Variants in ZNF805 observed in about 807,000 individuals in gnomAD.
ZNF805 encodes the protein CTC-444N24.8.
Under a neutral mutation model 13.6 loss-of-function variants are expected in ZNF805, and 7 were observed. The ratio of observed to expected loss-of-function variants is 0.51; its 90% CI spans 0.29 to 0.97. ZNF805 has a LOEUF of 0.97. Ranked by LOEUF, ZNF805 falls within the 50% of genes least tolerant of loss-of-function variation. ZNF805 has a pLI of 0.08. For synonymous variants in ZNF805, 293 were observed against 279.8 expected (o/e 1.05, Z -0.47); for missense variants, 604 against 771.0 (o/e 0.78, Z 2.57).
chr19:57,260,759 G>A lies in ZNF805; in HGVS notation c.*6056G>A, dbSNP rs182306979. ...CTCCAGGTTGGATGTTTCTCATGTC[G>A]TTAACCACTGGTCATCCTTCCACAC... is the stretch of plus-strand genomic sequence containing the variant. On this transcript the variant is annotated 3_prime_UTR_variant, in exon 4 of 4. Transcript: ENST00000414468. Among the ~76,000 whole-genome samples, 8 of 152,160 alleles carry A rather than the reference G, an allele frequency of 5.3e-5. No homozygotes were observed. In the East Asian group the frequency reaches 1.4e-3, roughly 26 times the overall value.
Position 57,240,898 on chromosome 19 carries a change from A to G in ZNF805, c.7A>G (p.Met3Val), listed in dbSNP as rs1391975083. ...AGGGCCACAGGGTCCCGGTATGGCG[A>G]TGGCTTTGACGGACCCGGCGCAGGT... MA[M>V]ALTDPAQVSV... The change falls in exon 1 of 4, where the codon ATG (methionine) becomes GTG (valine). Residue 3 changes from methionine to valine, a missense_variant. Transcript: ENST00000414468. 1.9e-6 allele frequency: 3 copies of G among 1,556,154 alleles called. No homozygotes were observed. The Admixed American group carries it at 5.8e-5, about 30-fold the overall frequency.
intron 2 of ZNF805, 100 bp from the exon 3 acceptor site, chr19:57,248,505 T>C (rs948706203): frequency 2.3e-5 from 26 of 1,127,956 alleles, no homozygotes; most frequent in Non-Finnish European, 3.3e-5. Context: ...TGTAGCTTCA[T>C]TCCAAGGTCT....
rs1230773697 is a variant in ZNF805, at chr19:57,254,406, C to T, written c.1587C>T (p.His529=). The T allele has an allele frequency of 1.2e-5, 20 of 1,614,172 alleles. No individual in the cohort carries two copies. In the South Asian group the frequency reaches 1.9e-4, roughly 15 times the overall value. The stretch of plus-strand genomic sequence containing the variant: ...GCTGGAGCACAAACCTCATTCGACA[C>T]TCTATCATCCACACTGGAGAGAAGC... ...TFCWSTNLIR[H]SIIHTGEKPY... is the part of the protein sequence containing the mutation. Residue 529 remains histidine (H), a synonymous_variant, in exon 4 of 4, where the codon CAC becomes CAT. Coordinates refer to ENST00000414468, the MANE Select transcript of ZNF805 (RefSeq NM_001023563.4).
rs190387978 is a variant in ZNF805, at chr19:57,250,358, G to A, written c.253+1658G>A. Among the ~76,000 whole-genome samples, 496 of 152,158 alleles carry A rather than the reference G, an allele frequency of 3.3e-3. 5 individuals carry two copies. The highest frequency in any genetic ancestry group is 4.9e-3 in the Non-Finnish European group (336 of 67,980). The stretch of plus-strand genomic sequence containing the variant: ...AGCGTTTCTCCTGCCTCAGCCTTCC[G>A]AATAGCTGGGATTATAGGCATGCAC... On this transcript the variant is annotated intron_variant, in intron 3 of 3. Coordinates refer to ENST00000414468, the MANE Select transcript of ZNF805 (RefSeq NM_001023563.4).
At position 57,243,976 on chromosome 19, in the gene ZNF805, C is replaced by G. The variant is rs749697734; in HGVS notation, c.84C>G (p.Gly28=). 15 of 1,614,108 alleles carry G rather than the reference C, an allele frequency of 9.3e-6. No individual in the cohort carries two copies. In the Admixed American group the frequency reaches 1.5e-4, roughly 16 times the overall value. Residue 28 remains glycine (G), a synonymous_variant, in exon 2 of 4, where the codon GGC becomes GGG. Transcript: ENST00000414468. ...TGACTTTCACCCAGGAGGAGTGGGG[C>G]CAGCTGGACCTAGCTCAGCGGACCC... The part of the protein sequence containing the change: ...VAVTFTQEEW[G]QLDLAQRTLY...
At position 57,255,926 on chromosome 19, in the gene ZNF805, G is replaced by T. The variant is rs931553651; in HGVS notation, c.*1223G>T. 1.3e-4 allele frequency among the ~76,000 whole-genome samples: 20 copies of T among 152,122 alleles called. No homozygotes were observed. The highest frequency in any genetic ancestry group is 4.8e-4 in the African/African-American group (20 of 41,444). ...CTTGTTCCTGATATTAGGGGGAAATGTTCAGTTTCTCATTATTATGATGTT... is the reference window on the plus strand; with the variant it reads ...CTTGTTCCTGATATTAGGGGGAAATTTTCAGTTTCTCATTATTATGATGTT... On this transcript the variant is annotated 3_prime_UTR_variant, in exon 4 of 4. Transcript: ENST00000414468.
Position 57,258,892 on chromosome 19 carries a change from C to G in ZNF805, c.*4189C>G, listed in dbSNP as rs2087706685. On this transcript the variant is annotated 3_prime_UTR_variant, in exon 4 of 4. Transcript: ENST00000414468. ...AGTCTGCTGGTGTCTCTAAAAGTGT[C>G]TTTATGTTCCCTTCATTCCTGAGGG... Among the ~76,000 whole-genome samples, 2 of 152,096 alleles carry G rather than the reference C, an allele frequency of 1.3e-5. No homozygotes were observed. The highest frequency in any genetic ancestry group is 1.3e-4 in the Admixed American group (2 of 15,276).
chr19:57,261,402 T>C lies in ZNF805; in HGVS notation c.*6699T>C, dbSNP rs2087723162. 1 of 166,996 alleles carries C rather than the reference T, an allele frequency of 6.0e-6. No homozygotes were observed. Among genetic ancestry groups the C allele is most frequent in the Non-Finnish European group, 1.5e-5 (1 of 68,100 alleles). 10.3% of individuals were successfully genotyped at this position (166,996 alleles called of 1,614,324 possible). A position where few individuals can be genotyped will look rare whatever the true frequency, so the allele number is the denominator to read the frequency against. On this transcript the variant is annotated 3_prime_UTR_variant, in exon 4 of 4. Transcript: ENST00000414468. ...GTGTGTTTGAGATGCCTGAAGAACATCAGTGTATCCCCCTAATTTCTGTCA... is the reference window on the plus strand; with the variant it reads ...GTGTGTTTGAGATGCCTGAAGAACACCAGTGTATCCCCCTAATTTCTGTCA...
intron 1 of ZNF805, 147 bp downstream of exon 1, chr19:57,241,068 C>T (rs145825291): frequency 1.9e-5 from 17 of 889,328 alleles, no homozygotes; most frequent in Non-Finnish European, 2.8e-5. Flanking sequence ...CTTAGTTTAT[C>T]TCCTGTCGTG....
rs3028396 is a variant in ZNF805, at chr19:57,258,437, G to GT, written c.*3747dup. 0.062 allele frequency among the ~76,000 whole-genome samples: 8,031 copies of GT among 129,964 alleles called. 799 individuals carry two copies. The highest frequency in any genetic ancestry group is 0.21 in the African/African-American group (7,408 of 34,632). 85.3% of individuals were successfully genotyped at this position (129,964 alleles called of 152,430 possible). ...GTTGCTTCTTTCTTGGTTTGTTTGG[G>GT]TTTTTTTTTTTTTGTCTTTAACATT... is the stretch of plus-strand genomic sequence containing the variant. On this transcript the variant is annotated 3_prime_UTR_variant, in exon 4 of 4. Transcript: ENST00000414468.
At chr19:57,245,112 G>C (rs2087604587) in intron 2 of ZNF805, among the ~76,000 whole-genome samples, 1 of 152,182 alleles carries the variant, frequency 6.6e-6, no homozygotes. Flanking sequence ...GTCCCACCAG[G>C]TGTTATTCTA....
intron 3 of ZNF805, among the ~76,000 whole-genome samples, chr19:57,251,138 A>G (rs1051131628): frequency 8.6e-5 from 13 of 152,000 alleles, no homozygotes; most frequent in African/African-American, 3.1e-4. Flanking sequence ...CACATTTTTG[A>G]TGTTTCTGGA....
chr19:57,243,854 G>A, intron 1 of ZNF805, 69 bp from the exon 2 acceptor site: 1 of 1,609,148 alleles, frequency 6.2e-7, no homozygotes, highest in Non-Finnish European at 8.5e-7. Context: ...TGATCTTGTT[G>A]CACCTTTTCC....
rs2087677795 is a variant in ZNF805, at chr19:57,254,850, T to A, written c.*147T>A. On this transcript the variant is annotated 3_prime_UTR_variant, in exon 4 of 4. Coordinates refer to ENST00000414468, the MANE Select transcript of ZNF805 (RefSeq NM_001023563.4). ...ACTTGGGAAAACCTTTAGCTCCATC[T>A]TTCTCATTAGTTTACAGTGCAATGT... The A allele has an allele frequency of 2.5e-6, 2 of 790,088 alleles. No homozygotes were observed. The highest frequency in any genetic ancestry group is 6.1e-5 in the Admixed American group (2 of 32,794). 48.9% of individuals were successfully genotyped at this position (790,088 alleles called of 1,614,324 possible). A position where few individuals can be genotyped will look rare whatever the true frequency, so the allele number is the denominator to read the frequency against.
intron 1 of ZNF805, 133 bp from the exon 2 acceptor site, chr19:57,243,790 C>A: frequency 7.9e-7 from 1 of 1,266,198 alleles, no homozygotes; most frequent in Non-Finnish European, 1.1e-6. Flanking sequence ...CTGCCTTCCT[C>A]CTTCAGCCTG....
chr19:57,249,021 G>A (rs1002106272), intron 3 of ZNF805, among the ~76,000 whole-genome samples: 1 of 152,152 alleles, frequency 6.6e-6, no homozygotes. Context: ...ACCAACTGCT[G>A]TATCCAACAA....
rs954992107 is a variant in ZNF805, at chr19:57,243,919, T to G, written c.31-4T>G. ...AACTCTACTACCTCTATTTGACATT[T>G]CAGGTGTCTGTGACCTTTGATGATG... is the stretch of plus-strand genomic sequence containing the variant. On this transcript the variant is annotated splice_polypyrimidine_tract_variant and splice_region_variant and intron_variant, in intron 1 of 3. Transcript: ENST00000414468. 6.2e-7 allele frequency: 1 copy of G among 1,614,190 alleles called. No individual in the cohort carries two copies. Among genetic ancestry groups the G allele is most frequent in the Non-Finnish European group, 8.5e-7 (1 of 1,180,038 alleles).
chr19:57,240,817 T>C lies in ZNF805; in HGVS notation c.-75T>C. 1 of 1,423,776 alleles carries C rather than the reference T, an allele frequency of 7.0e-7. No individual in the cohort carries two copies. 88.2% of individuals were successfully genotyped at this position (1,423,776 alleles called of 1,614,324 possible). A position where few individuals can be genotyped will look rare whatever the true frequency, so the allele number is the denominator to read the frequency against. The stretch of plus-strand genomic sequence containing the variant: ...CACCGGGCCCGGCGCAGGGAAGGGG[T>C]GGGGCTCGGCTGAGCCCGCGAGACC... On this transcript the variant is annotated 5_prime_UTR_variant, in exon 1 of 4. Coordinates refer to ENST00000414468, the MANE Select transcript of ZNF805 (RefSeq NM_001023563.4).
rs2087703973 is a variant in ZNF805, at chr19:57,258,527, A to AG, written c.*3824_*3825insG. Among the ~76,000 whole-genome samples the AG allele has an allele frequency of 1.3e-4, 8 of 63,712 alleles. No homozygotes were observed. The highest frequency in any genetic ancestry group is 1.6e-4 in the Non-Finnish European group (5 of 30,912). 41.8% of individuals were successfully genotyped at this position (63,712 alleles called of 152,430 possible). A position where few individuals can be genotyped will look rare whatever the true frequency, so the allele number is the denominator to read the frequency against. ...ATATATTTCTTTGTATTTTTGTATTAATTTTTTAGTGGTTGCTTTAAGTAG... is the reference window on the plus strand; with the variant it reads ...ATATATTTCTTTGTATTTTTGTATTAGATTTTTTAGTGGTTGCTTTAAGTAG... On this transcript the variant is annotated 3_prime_UTR_variant, in exon 4 of 4. Coordinates refer to ENST00000414468, the MANE Select transcript of ZNF805 (RefSeq NM_001023563.4).
Sources: gnomAD v4.1 joint callset for allele counts (sites outside exome capture counted in the v4.1 genomes callset) on GRCh38, gnomAD v4.1.1 for gene constraint, MANE v1.5 for transcripts, NCBI Gene and HGNC (gene_info 2026-07-23, HGNC 2026-07-21) for gene names.